The following LTBP1 variants were observed in gnomAD, a reference collection of about 807,000 sequenced individuals.
LTBP1 encodes the protein latent transforming growth factor beta binding protein 1, also known as latent-transforming growth factor beta-binding protein 1.
Under a neutral mutation model 207.6 loss-of-function variants are expected in LTBP1, and 129 were observed. The ratio of observed to expected loss-of-function variants is 0.62; its 90% CI spans 0.54 to 0.72. The LOEUF (loss-of-function observed/expected upper bound fraction) is 0.72. Ranked by LOEUF, LTBP1 falls within the 30% of genes least tolerant of loss-of-function variation. The pLI, the probability that LTBP1 is intolerant of heterozygous loss-of-function variation, is 0.00. For synonymous variants in LTBP1, 963 were observed against 833.7 expected, an observed-to-expected ratio of 1.16 and a Z score of -2.67; for missense variants, 2,281 against 2,217.2, an observed-to-expected ratio of 1.03 and a Z score of -0.58.
intron 9 of LTBP1, among the ~76,000 whole-genome samples, chr2:33,235,896 C>G (rs2092023517): frequency 6.6e-6 from 1 of 152,026 alleles, no homozygotes; most frequent in African/African-American, 2.4e-5. Flanking sequence ...CACACTGGGG[C>G]CTGTTGGGAG....
chr2:33,357,562 A>G lies in LTBP1; in HGVS notation c.4001-3035A>G, dbSNP rs1359922607. On this transcript the variant is annotated intron_variant, in intron 26 of 33. Coordinates refer to ENST00000404816, the MANE Select transcript of LTBP1 (RefSeq NM_206943.4). ...TTTACCAGCACCTTCTATCTCATAT[A>G]GTTACCCTCTGGATCACATGAAAAG... Among the ~76,000 whole-genome samples, 4 of 152,184 alleles carry G rather than the reference A, an allele frequency of 2.6e-5. No individual in the cohort carries two copies. The East Asian group carries it at 7.7e-4, about 29-fold the overall frequency.
chr2:33,103,535 G>A (rs1179754091), intron 3 of LTBP1, among the ~76,000 whole-genome samples: 2 of 151,262 alleles, frequency 1.3e-5, no homozygotes, highest in African/African-American at 4.9e-5. Context: ...TGGTCTGATA[G>A]GTAATTCCAT....
intron 24 of LTBP1, among the ~76,000 whole-genome samples, chr2:33,334,940 A>T (rs115349576): frequency 0.011 from 1,662 of 150,880 alleles, 7 homozygotes; most frequent in Middle Eastern, 0.041. Flanking sequence ...AATGCCAGGC[A>T]TGGCAGCATA....
At chr2:33,082,822 C>T (rs1353936059) in intron 3 of LTBP1, among the ~76,000 whole-genome samples, 2 of 152,198 alleles carry the variant, frequency 1.3e-5, no homozygotes, top group Non-Finnish European at 2.9e-5. Context: ...GTCATCTCCT[C>T]TCTGCCTTGT....
chr2:33,088,491 C>T (rs894692825), intron 3 of LTBP1, among the ~76,000 whole-genome samples: 2 of 152,076 alleles, frequency 1.3e-5, no homozygotes, highest in African/African-American at 4.8e-5. Context: ...TTCTTGGAGA[C>T]AGAGTCTTGA....
chr2:32,963,241 G>C (rs1043429991), intron 2 of LTBP1, among the ~76,000 whole-genome samples: 2 of 152,184 alleles, frequency 1.3e-5, no homozygotes, highest in African/African-American at 4.8e-5. Flanking sequence ...GTCTCACTCT[G>C]TAACCCAGGC....
intron 15 of LTBP1, among the ~76,000 whole-genome samples, chr2:33,271,135 A>G (rs973941412): frequency 7.2e-5 from 11 of 152,216 alleles, no homozygotes; most frequent in Non-Finnish European, 1.3e-4. Flanking sequence ...AAGAAGTTCC[A>G]TTCTAAGGCT....
chr2:33,278,670 G>C (rs536391224), intron 18 of LTBP1, among the ~76,000 whole-genome samples: 1 of 152,186 alleles, frequency 6.6e-6, no homozygotes, highest in South Asian at 2.1e-4. Context: ...TATTTATTGG[G>C]CTAGCCTGTC....
At chr2:33,271,874 A>T (rs1324075314) in intron 15 of LTBP1, among the ~76,000 whole-genome samples, 4 of 152,256 alleles carry the variant, frequency 2.6e-5, no homozygotes, top group African/African-American at 9.6e-5. Context: ...CCAGTCACTT[A>T]AGTTTAGGCA....
chr2:33,319,321 C>T (rs1302011241), intron 24 of LTBP1, among the ~76,000 whole-genome samples: 1 of 151,990 alleles, frequency 6.6e-6, no homozygotes, highest in Non-Finnish European at 1.5e-5. Context: ...TCACTTGTAC[C>T]CAGGAGGCAG....
chr2:33,289,507 G>A (rs760826264), intron 19 of LTBP1, among the ~76,000 whole-genome samples: 8 of 151,904 alleles, frequency 5.3e-5, no homozygotes, highest in Admixed American at 4.6e-4. Flanking sequence ...CTACAGGCAC[G>A]CACCACCACA....
intron 5 of LTBP1, among the ~76,000 whole-genome samples, chr2:33,173,333 A>G (rs2085663084): frequency 6.6e-6 from 1 of 151,962 alleles, no homozygotes; most frequent in Non-Finnish European, 1.5e-5. Context: ...ATCACCACCG[A>G]TCCCACAGAA....
Position 33,293,967 on chromosome 2 carries a change from C to T in LTBP1, c.3235+685C>T, listed in dbSNP as rs1165071957. ...TGAACAAACAAAAAATTTTCAGCTT[C>T]TCATTAGTGAACAAAACTGGTACAG... is the stretch of plus-strand genomic sequence containing the variant. On this transcript the variant is annotated intron_variant, in intron 20 of 33. Coordinates refer to ENST00000404816, the MANE Select transcript of LTBP1 (RefSeq NM_206943.4). Among the ~76,000 whole-genome samples the T allele has an allele frequency of 2.5e-5, 3 of 120,814 alleles. No individual in the cohort carries two copies. The East Asian group carries it at 7.1e-4, about 28-fold the overall frequency. 79.3% of individuals were successfully genotyped at this position (120,814 alleles called of 152,430 possible). A position where few individuals can be genotyped will look rare whatever the true frequency, so the allele number is the denominator to read the frequency against.
In LTBP1 at chr2:33,390,475, C is replaced by T. The variant is rs147546637; in HGVS notation, c.4834+1169C>T. Among the ~76,000 whole-genome samples, 5 of 151,802 alleles carry T rather than the reference C, an allele frequency of 3.3e-5. No individual in the cohort carries two copies. In the East Asian group the frequency reaches 5.8e-4, roughly 18 times the overall value. ...ACAGCTCACAGAGGGGCCATCCTCA[C>T]GTGTAGCTTCACCACAAATTTTTTT... On this transcript the variant is annotated intron_variant, in intron 32 of 33. Coordinates refer to ENST00000404816, the MANE Select transcript of LTBP1 (RefSeq NM_206943.4).
intron 19 of LTBP1, among the ~76,000 whole-genome samples, chr2:33,285,451 C>CTTTT (rs199993814): frequency 5.6e-5 from 7 of 124,398 alleles, no homozygotes; most frequent in African/African-American, 9.1e-5. Flanking sequence ...CTTTCTTTTT[C>CTTTT]TTTTTTTTTT....
In LTBP1 at chr2:33,301,512, T is replaced by A; in HGVS notation, c.3359-10T>A. 1.9e-6 allele frequency: 3 copies of A among 1,582,106 alleles called. No homozygotes were observed. Among genetic ancestry groups the A allele is most frequent in the Non-Finnish European group, 2.6e-6 (3 of 1,167,706 alleles). ...ACTTCCACAGTTTCTTTGTATTCTC[T>A]TGCTCATAGACATTGATGAATGCCA... On this transcript the variant is annotated splice_polypyrimidine_tract_variant and intron_variant, in intron 21 of 33. Transcript: ENST00000404816.
chr2:33,315,297 G>A lies in LTBP1; in HGVS notation c.3730+28G>A, dbSNP rs112223755. The A allele has an allele frequency of 1.9e-3, 3,090 of 1,608,890 alleles. 50 individuals are homozygous for A. The African/African-American group carries it at 0.036, about 19-fold the overall frequency. On this transcript the variant is annotated intron_variant, in intron 24 of 33. Coordinates refer to ENST00000404816, the MANE Select transcript of LTBP1 (RefSeq NM_206943.4). ...AAGATAAACCATACGAAATCATATTGTTGTGTGATAAAAGAGAGAGGAGAT... is the reference window on the plus strand; with the variant it reads ...AAGATAAACCATACGAAATCATATTATTGTGTGATAAAAGAGAGAGGAGAT...
intron 24 of LTBP1, among the ~76,000 whole-genome samples, chr2:33,319,695 A>AC (rs1290947106): frequency 6.6e-5 from 10 of 151,526 alleles, no homozygotes; most frequent in African/African-American, 2.4e-4. Flanking sequence ...AGTCCGGCAC[A>AC]CCCCCCATCT....
chr2:33,113,279 A>T (rs1045537975), intron 4 of LTBP1, among the ~76,000 whole-genome samples: 9 of 152,214 alleles, frequency 5.9e-5, no homozygotes, highest in African/African-American at 2.2e-4. Flanking sequence ...AGCTCTAAGC[A>T]CTGTGCAACT....
Sources: gnomAD v4.1 joint callset for allele counts (sites outside exome capture counted in the v4.1 genomes callset) on GRCh38, gnomAD v4.1.1 for gene constraint, MANE v1.5 for transcripts, NCBI Gene and HGNC (gene_info 2026-07-23, HGNC 2026-07-21) for gene names.